MCTP1: variants seen among roughly 807,000 people sequenced by gnomAD.
MCTP1 encodes the protein multiple C2 and transmembrane domain containing 1.
Under a neutral mutation model 120.6 loss-of-function variants are expected in MCTP1, and 69 were observed. That is an observed-to-expected ratio of 0.57 (90% CI 0.47 to 0.70). The LOEUF (loss-of-function observed/expected upper bound fraction) is 0.70. Among genes scored for constraint, MCTP1 ranks in the 30% least tolerant of loss-of-function variants. MCTP1 has a pLI of 0.00. For missense variants in MCTP1, 1,203 were observed against 1,248.8 expected (o/e 0.96, Z 0.55); for synonymous variants, 529 against 493.1 (o/e 1.07, Z -0.96).
intron 1 of MCTP1, among the ~76,000 whole-genome samples, chr5:95,183,687 C>T (rs898115747): frequency 6.6e-6 from 1 of 151,916 alleles, no homozygotes; most frequent in African/African-American, 2.4e-5. Flanking sequence ...ATTGAGCCGA[C>T]ATTCGCCAAA....
chr5:94,908,054 A>G (rs973741153), intron 10 of MCTP1, among the ~76,000 whole-genome samples: 2 of 152,128 alleles, frequency 1.3e-5, no homozygotes, highest in African/African-American at 4.8e-5. Context: ...GAAAGAGCTC[A>G]TAGCCTATTG....
intron 1 of MCTP1, among the ~76,000 whole-genome samples, chr5:95,217,216 T>A (rs2152586443): frequency 6.6e-6 from 1 of 152,346 alleles, no homozygotes; most frequent in South Asian, 2.1e-4. Context: ...TGTAAATAGT[T>A]TTTCTTTCCT....
At chr5:94,734,412 T>C (rs1763752312) in intron 19 of MCTP1, among the ~76,000 whole-genome samples, 1 of 152,260 alleles carries the variant, frequency 6.6e-6, no homozygotes, top group Non-Finnish European at 1.5e-5. Context: ...ATCTTTCTAG[T>C]ATCTTTTCCA....
chr5:94,793,094 C>G (rs1048540034), intron 18 of MCTP1, among the ~76,000 whole-genome samples: 4 of 152,010 alleles, frequency 2.6e-5, no homozygotes, highest in African/African-American at 9.7e-5. Flanking sequence ...AGTGGAAGGC[C>G]TGGTCATCTA....
intron 2 of MCTP1, among the ~76,000 whole-genome samples, chr5:95,009,056 A>AAGAGAGAGAGAGAGAGAGAG (rs201724037): frequency 1.5e-5 from 2 of 129,470 alleles, no homozygotes; most frequent in African/African-American, 6.9e-5. Context: ...GAGAGGGAGA[A>AAGAGAGAGAGAGAGAGAGAG]AGAGAGAGAG....
intron 10 of MCTP1, among the ~76,000 whole-genome samples, chr5:94,902,386 A>G (rs1323338781): frequency 6.6e-6 from 1 of 152,170 alleles, no homozygotes; most frequent in Non-Finnish European, 1.5e-5. Context: ...TCTCTTTAAT[A>G]TATACTTCTA....
At chr5:94,784,419 A>C (rs1777201417) in intron 18 of MCTP1, among the ~76,000 whole-genome samples, 1 of 152,042 alleles carries the variant, frequency 6.6e-6, no homozygotes, top group Non-Finnish European at 1.5e-5. Flanking sequence ...GAAAGTACCA[A>C]AGGTCAGGCT....
chr5:94,922,527 T>G (rs1313385960), intron 7 of MCTP1, among the ~76,000 whole-genome samples: 1 of 151,854 alleles, frequency 6.6e-6, no homozygotes. Context: ...TTGCTCTTTT[T>G]GCCCAGGCTG....
intron 1 of MCTP1, among the ~76,000 whole-genome samples, chr5:95,061,197 G>T (rs926506819): frequency 2.7e-5 from 4 of 150,386 alleles, no homozygotes; most frequent in African/African-American, 9.8e-5. Context: ...GCCAAATACA[G>T]ACAAAGAAAA....
intron 19 of MCTP1, among the ~76,000 whole-genome samples, chr5:94,715,355 G>A (rs1186288416): frequency 2.4e-4 from 6 of 24,562 alleles, no homozygotes; most frequent in Admixed American, 7.1e-4. Context: ...TGTGAGCAAT[G>A]AAAACTACAA....
intron 2 of MCTP1, among the ~76,000 whole-genome samples, chr5:95,001,230 TC>T (rs1315783052): frequency 1.3e-5 from 2 of 152,194 alleles, no homozygotes; most frequent in Non-Finnish European, 2.9e-5. Flanking sequence ...TTACCCAGTG[TC>T]GGGTATTTCT....
At chr5:94,925,633 T>A (rs1448051662) in intron 6 of MCTP1, among the ~76,000 whole-genome samples, 2 of 152,070 alleles carry the variant, frequency 1.3e-5, no homozygotes. Flanking sequence ...ATGGTCTCAA[T>A]CTCCTGACCT....
At chr5:95,194,050 A>C (rs1750111742) in intron 1 of MCTP1, among the ~76,000 whole-genome samples, 1 of 151,972 alleles carries the variant, frequency 6.6e-6, no homozygotes, top group African/African-American at 2.4e-5. Context: ...GTCTCTACAA[A>C]AAAATAACAT....
chr5:94,834,236 C>A (rs964319667), intron 17 of MCTP1, among the ~76,000 whole-genome samples: 1 of 152,130 alleles, frequency 6.6e-6, no homozygotes. Context: ...ATTATTTTGT[C>A]TGCCCAGTCT....
chr5:95,268,084 C>A (rs1017011733), intron 1 of MCTP1, among the ~76,000 whole-genome samples: 2 of 152,256 alleles, frequency 1.3e-5, no homozygotes, highest in African/African-American at 2.4e-5. Flanking sequence ...TCATACAATT[C>A]ATTCCTACAA....
chr5:95,097,850 G>A (rs996202616), intron 1 of MCTP1, among the ~76,000 whole-genome samples: 2 of 152,134 alleles, frequency 1.3e-5, no homozygotes, highest in Non-Finnish European at 2.9e-5. Context: ...CAACAACTGG[G>A]GTCATGGTAG....
chr5:94,922,997 C>CAAAAAAAAAAAAAAAAAAA (rs202245253), intron 7 of MCTP1, among the ~76,000 whole-genome samples: 3 of 99,548 alleles, frequency 3.0e-5, no homozygotes, highest in Non-Finnish European at 4.0e-5. Flanking sequence ...TAAAAAGCTG[C>CAAAAAAAAAAAAAAAAAAA]AAAAAAAAAA....
In MCTP1 at chr5:94,707,664, A is replaced by G. The variant is rs144742619; in HGVS notation, c.2929-97T>C. On this transcript the variant is annotated intron_variant, in intron 22 of 22. Coordinates refer to ENST00000515393, the MANE Select transcript of MCTP1 (RefSeq NM_024717.7). ...ATGAGAGACGGTGCTTGGGGGAAGA[A>G]AGTGCTCACTCTAGAAGCTGTATGG... The G allele has an allele frequency of 7.3e-4, 627 of 855,428 alleles. 1 individual carries two copies. The highest frequency in any genetic ancestry group is 4.8e-3 in the Admixed American group (250 of 52,288). The allele number at this position is 855,428 out of a possible 1,614,324, so 53.0% of individuals were successfully genotyped here. A position where few individuals can be genotyped will look rare whatever the true frequency, so the allele number is the denominator to read the frequency against.
intron 1 of MCTP1, among the ~76,000 whole-genome samples, chr5:95,231,154 AT>A (rs1488382931): frequency 6.6e-6 from 1 of 152,234 alleles, no homozygotes. Flanking sequence ...TTAAATAAAA[AT>A]AATTCAAAAA....
Sources: gnomAD v4.1 joint callset for allele counts (sites outside exome capture counted in the v4.1 genomes callset) on GRCh38, gnomAD v4.1.1 for gene constraint, MANE v1.5 for transcripts, NCBI Gene and HGNC (gene_info 2026-07-23, HGNC 2026-07-21) for gene names.